The following UNC5C variants were observed in gnomAD, a reference collection of about 807,000 sequenced individuals.
The protein encoded by UNC5C is unc-5 netrin receptor C.
UNC5C carries 47 observed loss-of-function variants against 99.8 expected under a neutral mutation model. That is an observed-to-expected ratio of 0.47 (90% CI 0.37 to 0.60). The LOEUF (loss-of-function observed/expected upper bound fraction) is 0.60. UNC5C is among the 20% of genes least tolerant of loss of function. The probability of loss-of-function intolerance (pLI) is 0.00; values close to 1 mark genes in which losing one functional copy is unlikely to be tolerated. For synonymous variants in UNC5C, 487 were observed against 452.2 expected, an observed-to-expected ratio of 1.08 and a Z score of -0.98; for missense variants, 1,062 against 1,165.9, an observed-to-expected ratio of 0.91 and a Z score of 1.30.
At chr4:95,442,145 T>G (rs1746966993) in intron 1 of UNC5C, among the ~76,000 whole-genome samples, 1 of 152,136 alleles carries the variant, frequency 6.6e-6, no homozygotes, top group Non-Finnish European at 1.5e-5. Flanking sequence ...TGAATTATCT[T>G]TGAAGACTTC....
chr4:95,244,615 C>T (rs556754690), intron 6 of UNC5C, among the ~76,000 whole-genome samples: 16 of 152,224 alleles, frequency 1.1e-4, no homozygotes, highest in Admixed American at 5.2e-4. Flanking sequence ...TTAATTTCTA[C>T]GGTTTTCTGA....
intron 4 of UNC5C, among the ~76,000 whole-genome samples, chr4:95,266,610 C>G (rs957737223): frequency 6.6e-6 from 1 of 152,116 alleles, no homozygotes; most frequent in Admixed American, 6.5e-5. Context: ...ATAGTCAGAA[C>G]CATTGGCTGC....
intron 13 of UNC5C, among the ~76,000 whole-genome samples, chr4:95,184,198 T>C (rs961177451): frequency 4.6e-5 from 7 of 152,160 alleles, no homozygotes; most frequent in East Asian, 1.9e-4. Flanking sequence ...TCAAAGCTCA[T>C]GATTGTTAAC....
chr4:95,171,117 T>G (rs912961668), intron 14 of UNC5C, among the ~76,000 whole-genome samples: 3 of 152,182 alleles, frequency 2.0e-5, no homozygotes, highest in Admixed American at 6.5e-5. Context: ...TTCTGATCAC[T>G]TGTGCTGGTT....
intron 3 of UNC5C, among the ~76,000 whole-genome samples, chr4:95,300,360 T>G (rs2149403497): frequency 6.6e-6 from 1 of 152,324 alleles, no homozygotes; most frequent in South Asian, 2.1e-4. Flanking sequence ...TGTCAAAAAA[T>G]ATATTTCTTA....
At chr4:95,451,568 A>C (rs1413164793) in intron 1 of UNC5C, among the ~76,000 whole-genome samples, 1 of 152,246 alleles carries the variant, frequency 6.6e-6, no homozygotes, top group Non-Finnish European at 1.5e-5. Context: ...AAATAAAAAC[A>C]TATCCTAACA....
chr4:95,424,518 C>CTTTCTTTTTTTTTTTTTTTTTTTTT (rs1746411107), intron 1 of UNC5C, among the ~76,000 whole-genome samples: 18 of 67,962 alleles, frequency 2.6e-4, no homozygotes, highest in Non-Finnish European at 3.0e-4. Context: ...TTTTTCTTTT[C>CTTTCTTTTTTTTTTTTTTTTTTTTT]TTTTTTTTTT....
At position 95,371,919 on chromosome 4, in the gene UNC5C, T is replaced by C. The variant is rs202173180; in HGVS notation, c.125-36288A>G. Among the ~76,000 whole-genome samples, 6 of 152,184 alleles carry C rather than the reference T, an allele frequency of 3.9e-5. No individual in the cohort carries two copies. The East Asian group carries it at 9.6e-4, about 24-fold the overall frequency. ...AAACCATGTTCTGCATTTCTTAGTA[T>C]AGATTTTCAAGCTATGTGTCTTTCT... On this transcript the variant is annotated intron_variant, in intron 1 of 15. Coordinates refer to ENST00000453304, the MANE Select transcript of UNC5C (RefSeq NM_003728.4).
intron 10 of UNC5C, among the ~76,000 whole-genome samples, chr4:95,209,302 T>G (rs1488341075): frequency 6.6e-6 from 1 of 152,230 alleles, no homozygotes; most frequent in Non-Finnish European, 1.5e-5. Context: ...CATAAAACTG[T>G]AGCAGCTAAC....
chr4:95,281,986 T>A (rs2149395666), intron 3 of UNC5C, among the ~76,000 whole-genome samples: 1 of 152,204 alleles, frequency 6.6e-6, no homozygotes, highest in South Asian at 2.1e-4. Context: ...ATGCCAAATG[T>A]CCCCTAAGGG....
chr4:95,372,794 A>C (rs1208495385), intron 1 of UNC5C, among the ~76,000 whole-genome samples: 1 of 152,200 alleles, frequency 6.6e-6, no homozygotes, highest in Non-Finnish European at 1.5e-5. Flanking sequence ...CTTCTATGCA[A>C]GGTACTGAGA....
chr4:95,399,134 T>C (rs1579384302), intron 1 of UNC5C, among the ~76,000 whole-genome samples: 1 of 152,148 alleles, frequency 6.6e-6, no homozygotes, highest in Non-Finnish European at 1.5e-5. Context: ...AACAGAAGTA[T>C]GCCACCTGCA....
intron 1 of UNC5C, among the ~76,000 whole-genome samples, chr4:95,344,565 G>C (rs1042249905): frequency 2.6e-5 from 4 of 151,912 alleles, no homozygotes; most frequent in African/African-American, 9.7e-5. Context: ...TTATAATTCT[G>C]GTATGTAATC....
At chr4:95,404,952 C>CG (rs1348110950) in intron 1 of UNC5C, among the ~76,000 whole-genome samples, 3 of 152,100 alleles carry the variant, frequency 2.0e-5, no homozygotes, top group Non-Finnish European at 4.4e-5. Context: ...GTGGGAGGCC[C>CG]GACTCCTGTG....
intron 1 of UNC5C, among the ~76,000 whole-genome samples, chr4:95,446,783 C>A (rs1277253802): frequency 6.6e-6 from 1 of 150,914 alleles, no homozygotes; most frequent in African/African-American, 2.4e-5. Flanking sequence ...ATATAAATTT[C>A]TTTAAAAAAA....
At chr4:95,477,989 G>A (rs1053478222) in intron 1 of UNC5C, among the ~76,000 whole-genome samples, 10 of 151,780 alleles carry the variant, frequency 6.6e-5, no homozygotes, top group African/African-American at 2.4e-4. Context: ...TATGTAAAGT[G>A]CTTCGAACAG....
intron 7 of UNC5C, among the ~76,000 whole-genome samples, chr4:95,232,772 T>G (rs1738960411): frequency 1.3e-5 from 2 of 152,194 alleles, no homozygotes; most frequent in Non-Finnish European, 2.9e-5. Context: ...CCACACTTAT[T>G]ATACCGGACA....
In UNC5C at chr4:95,204,948, G is replaced by C. The variant is rs530897866; in HGVS notation, c.1902+1680C>G. Among the ~76,000 whole-genome samples, 8 of 152,250 alleles carry C rather than the reference G, an allele frequency of 5.3e-5. No homozygotes were observed. In the South Asian group the frequency reaches 1.7e-3, roughly 32 times the overall value. On this transcript the variant is annotated intron_variant, in intron 11 of 15. Transcript: ENST00000453304. ...CTTCTACTGAACCTATGCCCCCAGA[G>C]GAAGCCCCTAAAAAGGAAAAGAGAG...
chr4:95,325,910 A>G (rs1742865807), intron 2 of UNC5C, among the ~76,000 whole-genome samples: 1 of 152,136 alleles, frequency 6.6e-6, no homozygotes, highest in Non-Finnish European at 1.5e-5. Context: ...TCCTGGGAAA[A>G]CAAATAATTG....
Sources: gnomAD v4.1 joint callset for allele counts (sites outside exome capture counted in the v4.1 genomes callset) on GRCh38, gnomAD v4.1.1 for gene constraint, MANE v1.5 for transcripts, NCBI Gene and HGNC (gene_info 2026-07-23, HGNC 2026-07-21) for gene names.